The following RGS12 variants were observed in gnomAD, a reference collection of about 807,000 sequenced individuals.
RGS12 encodes the protein regulator of G protein signaling 12, also known as regulator of G-protein signaling 12.
In RGS12, 66 loss-of-function variants were observed where a neutral mutation model predicts 120.1. The ratio of observed to expected loss-of-function variants is 0.55; its 90% CI spans 0.45 to 0.67. The LOEUF (loss-of-function observed/expected upper bound fraction) is 0.67. Ranked by LOEUF, RGS12 falls within the 30% of genes least tolerant of loss-of-function variation. The pLI is 0.00. For missense variants in RGS12, 1,859 were observed against 1,957.7 expected, an observed-to-expected ratio of 0.95 and a Z score of 0.95; for synonymous variants, 827 against 804.7, an observed-to-expected ratio of 1.03 and a Z score of -0.47.
At chr4:3,333,084 C>T (rs1197107486) in intron 2 of RGS12, among the ~76,000 whole-genome samples, 4 of 134,426 alleles carry the variant, frequency 3.0e-5, no homozygotes, top group Admixed American at 1.4e-4. Flanking sequence ...GGAGTCTCAC[C>T]GTCTCCCAGG....
At chr4:3,321,272 A>C (rs1362426540) in intron 2 of RGS12, among the ~76,000 whole-genome samples, 1 of 152,226 alleles carries the variant, frequency 6.6e-6, no homozygotes, top group South Asian at 2.1e-4. Flanking sequence ...TAGGGGCCTT[A>C]TCTGACAGGA....
intron 2 of RGS12, among the ~76,000 whole-genome samples, chr4:3,339,842 C>T (rs1179469212): frequency 1.3e-5 from 2 of 152,138 alleles, no homozygotes; most frequent in Non-Finnish European, 2.9e-5. Flanking sequence ...TTGTTTTTCG[C>T]AGGCACACTA....
At chr4:3,344,889 C>T (rs867779108) in intron 3 of RGS12, among the ~76,000 whole-genome samples, 1 of 152,240 alleles carries the variant, frequency 6.6e-6, no homozygotes, top group African/African-American at 2.4e-5. Flanking sequence ...TCGCTGCTGG[C>T]TGCCTTCCAT....
intron 1 of RGS12, among the ~76,000 whole-genome samples, chr4:3,309,941 C>T (rs1188845952): frequency 3.0e-4 from 35 of 117,542 alleles, no homozygotes; most frequent in South Asian, 6.4e-4. Context: ...GGCAGGTGTC[C>T]GCTGAGGGGA....
intron 2 of RGS12, chr4:3,324,301 G>T: frequency 6.4e-6 from 1 of 156,760 alleles, no homozygotes; most frequent in Non-Finnish European, 1.4e-5. Flanking sequence ...CGTCACGTGC[G>T]ATCACCACCC....
chr4:3,406,351 A>G (rs1560152555), intron 4 of RGS12, among the ~76,000 whole-genome samples: 1 of 152,246 alleles, frequency 6.6e-6, no homozygotes, highest in South Asian at 2.1e-4. Context: ...TCTGCCTTCT[A>G]CAGCCTTTCC....
chr4:3,335,054 T>A (rs1712294352), intron 2 of RGS12, among the ~76,000 whole-genome samples: 1 of 152,230 alleles, frequency 6.6e-6, no homozygotes, highest in Admixed American at 6.5e-5. Flanking sequence ...TTTGTTTCTG[T>A]CGTTAAAGGT....
Position 3,365,633 on chromosome 4 carries a change from C to T in RGS12, c.1999-20783C>T, listed in dbSNP as rs1271681948. Among the ~76,000 whole-genome samples, 3 of 152,128 alleles carry T rather than the reference C, an allele frequency of 2.0e-5. No individual in the cohort carries two copies. The highest frequency in any genetic ancestry group is 2.9e-5 in the Non-Finnish European group (2 of 68,038). ...CCTGGCCTCCCACTCACCTCTGGGA[C>T]GACGTGCCGCACGTCACATTGTGTA... On this transcript the variant is annotated intron_variant, in intron 3 of 17. Coordinates refer to ENST00000336727, the MANE Select transcript of RGS12 (RefSeq NM_001394154.1). This position sits in a 1 kb window ranked among gnomAD's most constrained non-coding sequence, Gnocchi z 4.0.
chr4:3,290,697 C>T (rs1722985883), upstream of RGS12, among the ~76,000 whole-genome samples: 1 of 152,244 alleles, frequency 6.6e-6, no homozygotes, highest in Non-Finnish European at 1.5e-5. Context: ...AGAGCAGGTG[C>T]ACGCTTCTCC....
chr4:3,317,276 C>T lies in RGS12; in HGVS notation c.1106C>T (p.Thr369Ile), dbSNP rs769813683. The change falls in exon 2 of 18, where the codon ACC (threonine) becomes ATC (isoleucine). Residue 369 changes from threonine to isoleucine, a missense_variant. Thr to Ile is a moderately conservative substitution (Grantham distance 89, BLOSUM62 -1). Coordinates refer to ENST00000336727, the MANE Select transcript of RGS12 (RefSeq NM_001394154.1). ...FGFECTADPDTNGCLEFPASS... is the reference protein window; with the variant it reads ...FGFECTADPDINGCLEFPASS... ...TTTGAGTGCACGGCCGACCCAGACA[C>T]CAATGGCTGTCTGGAATTCCCGGCG... 4 of 1,614,064 alleles carry T rather than the reference C, an allele frequency of 2.5e-6. No homozygotes were observed. In the African/African-American group the frequency reaches 5.3e-5, roughly 22 times the overall value.
rs1716260191 is a variant in RGS12, at chr4:3,365,970, G to GAA, written c.1999-20445_1999-20444insAA. Among the ~76,000 whole-genome samples the GAA allele has an allele frequency of 6.6e-6, 1 of 152,152 alleles. No homozygotes were observed. The highest frequency in any genetic ancestry group is 6.5e-5 in the Admixed American group (1 of 15,284). ...GGCAGTGGGGAACATGCTCAGTGTT[G>GAA]ACCCCTCCCTGCCTTGTGGAGCTGG... On this transcript the variant is annotated intron_variant, in intron 3 of 17. Transcript: ENST00000336727. This position sits in a 1 kb window ranked among gnomAD's most constrained non-coding sequence, Gnocchi z 4.0.
chr4:3,393,392 G>C (rs1350196563), intron 4 of RGS12, among the ~76,000 whole-genome samples: 1 of 152,126 alleles, frequency 6.6e-6, no homozygotes, highest in African/African-American at 2.4e-5. Flanking sequence ...GCTCCTGTGA[G>C]GTCCCTGGGC....
chr4:3,406,369 T>C (rs1721122877), intron 4 of RGS12, among the ~76,000 whole-genome samples: 1 of 152,218 alleles, frequency 6.6e-6, no homozygotes, highest in Non-Finnish European at 1.5e-5. Context: ...TCCAGGACTT[T>C]TTTCTTGGAA....
In RGS12 at chr4:3,317,259, C is replaced by T. The variant is rs1724837282; in HGVS notation, c.1089C>T (p.Cys363=). Residue 363 remains cysteine, a synonymous_variant, in exon 2 of 18, where the codon TGC becomes TGT. Transcript: ENST00000336727. ...TTGCTCGGCGGTTTGGGTTTGAGTG[C>T]ACGGCCGACCCAGACACCAATGGCT... ...QGIARRFGFE[C]TADPDTNGCL... is the part of the protein sequence containing the mutation. 1 of 1,614,186 alleles carries T rather than the reference C, an allele frequency of 6.2e-7. No homozygotes were observed. Among genetic ancestry groups the T allele is most frequent in the Non-Finnish European group, 8.5e-7 (1 of 1,180,048 alleles).
intron 3 of RGS12, among the ~76,000 whole-genome samples, chr4:3,345,068 A>G (rs1303971624): frequency 6.6e-6 from 1 of 152,238 alleles, no homozygotes; most frequent in Non-Finnish European, 1.5e-5. Flanking sequence ...TAAACTATGA[A>G]TATTCAGGGA....
rs546776951 is a variant in RGS12, at chr4:3,365,369, A to T, written c.1999-21047A>T. Among the ~76,000 whole-genome samples the T allele has an allele frequency of 2.0e-5, 3 of 147,282 alleles. No homozygotes were observed. In the South Asian group the frequency reaches 7.0e-4, roughly 34 times the overall value. ...GGGAGTCTGGAGGGAGGAGGGAGAC[A>T]GGTGAGAGGAGGGAGGGAGGACAGG... On this transcript the variant is annotated intron_variant, in intron 3 of 17. Transcript: ENST00000336727. This position sits in a 1 kb window ranked among gnomAD's most constrained non-coding sequence, Gnocchi z 4.0.
chr4:3,408,347 T>C (rs546826789), intron 4 of RGS12, among the ~76,000 whole-genome samples: 1 of 152,324 alleles, frequency 6.6e-6, no homozygotes, highest in South Asian at 2.1e-4. Flanking sequence ...AAATCCATAA[T>C]TGAAAGTGAG....
At chr4:3,356,238 A>G (rs1237549179) in intron 3 of RGS12, among the ~76,000 whole-genome samples, 1 of 151,774 alleles carries the variant, frequency 6.6e-6, no homozygotes, top group African/African-American at 2.4e-5. Flanking sequence ...TATTTTTTGT[A>G]GAGACAGGGT....
intron 11 of RGS12, 142 bp from the exon 12 acceptor site, chr4:3,422,763 G>A: frequency 1.0e-6 from 1 of 982,426 alleles, no homozygotes; most frequent in East Asian, 2.4e-5. Flanking sequence ...GGGTTGGTGT[G>A]GAAAGGGTGA....
Sources: gnomAD v4.1 joint callset for allele counts (sites outside exome capture counted in the v4.1 genomes callset) on GRCh38, gnomAD v4.1.1 for gene constraint, Gnocchi (gnomAD v3.1) non-coding constraint, MANE v1.5 for transcripts, NCBI Gene and HGNC (gene_info 2026-07-23, HGNC 2026-07-21) for gene names.